SLC44A4: variants seen among roughly 807,000 people sequenced by gnomAD.
The protein encoded by SLC44A4 is choline transporter-like protein 4.
In SLC44A4, 74 loss-of-function variants were observed where a neutral mutation model predicts 97.0. The ratio of observed to expected loss-of-function variants is 0.76; its 90% confidence interval spans 0.63 to 0.93. SLC44A4 has a LOEUF of 0.93. Among genes scored for constraint, SLC44A4 ranks in the 40% least tolerant of loss-of-function variants. The pLI is 0.00. For synonymous variants in SLC44A4, 325 were observed against 363.8 expected (o/e 0.89, Z 1.21); for missense variants, 799 against 902.9 (o/e 0.88, Z 1.48).
At position 31,865,535 on chromosome 6, in the gene SLC44A4, T is replaced by G. The variant is rs763191640; in HGVS notation, c.1649A>C (p.Lys550Thr). The G allele has an allele frequency of 1.9e-6, 3 of 1,599,660 alleles. No individual in the cohort carries two copies. The Admixed American group carries it at 5.1e-5, about 27-fold the overall frequency. ...ATTGCGGTTTAGGAACTTGATAAATTTTTCCAGACACCAGAGGCAGCACTT... is the reference window on the plus strand; with the variant it reads ...ATTGCGGTTTAGGAACTTGATAAATGTTTCCAGACACCAGAGGCAGCACTT... ...CFKCCLWCLE[K>T]FIKFLNRNAY... is the part of the protein sequence containing the mutation. The change falls in exon 16 of 21, where the codon AAA becomes ACA. Residue 550 changes from lysine (K) to threonine (T), a missense_variant. Transcript: ENST00000229729. The surrounding 1 kb of genome is among the most constrained non-coding windows in gnomAD (Gnocchi z 5.2).
rs372077719 is a variant in SLC44A4, at chr6:31,865,328, G to A, written c.1747C>T (p.Arg583Ter). The A allele has an allele frequency of 4.7e-5, 76 of 1,613,834 alleles. No homozygotes were observed. Among genetic ancestry groups the A allele is most frequent in the Non-Finnish European group, 6.0e-5 (71 of 1,179,992 alleles). The change falls in exon 17 of 21, where the codon CGA becomes TGA. Residue 583 changes from arginine to a stop codon, truncating the protein, a stop_gained. Transcript: ENST00000229729. LOFTEE classifies it high-confidence loss of function. The surrounding 1 kb of genome is among the most constrained non-coding windows in gnomAD (Gnocchi z 5.2). ...SAKNAFMLLM[R>*]NIVRVVVLDK... ...GAGCAGCCTAACCTGACAATGTTTC[G>A]CATGAGTAGCATGAACGCATTTTTG... is the stretch of plus-strand genomic sequence containing the variant.
chr6:31,865,197 G>T lies in SLC44A4; in HGVS notation c.1761-117C>A. The T allele has an allele frequency of 6.6e-7, 1 of 1,525,142 alleles. No homozygotes were observed. Among genetic ancestry groups the T allele is most frequent in the Non-Finnish European group, 9.1e-7 (1 of 1,099,484 alleles). The allele number at this position is 1,525,142 out of a possible 1,614,324, so 94.5% of individuals were successfully genotyped here. ...TGAAAATTGTTCACGTTTCAAGATGGCAAGAGCAGAGCACTAAACTAAGTC... is the reference window on the plus strand; with the variant it reads ...TGAAAATTGTTCACGTTTCAAGATGTCAAGAGCAGAGCACTAAACTAAGTC... On this transcript the variant is annotated intron_variant, in intron 17 of 20. Transcript: ENST00000229729. The surrounding 1 kb of genome is among the most constrained non-coding windows in gnomAD (Gnocchi z 5.2).
chr6:31,864,640 G>T lies in SLC44A4; in HGVS notation c.2011+12C>A. 6.2e-7 allele frequency: 1 copy of T among 1,613,324 alleles called. No individual in the cohort carries two copies. The highest frequency in any genetic ancestry group is 8.5e-7 in the Non-Finnish European group (1 of 1,179,288). ...TTAAGGTTGGGGACAGGTGGCTGGGGGTGTCACTCACGGAAGCAGAGGAAG... is the reference window on the plus strand; with the variant it reads ...TTAAGGTTGGGGACAGGTGGCTGGGTGTGTCACTCACGGAAGCAGAGGAAG... On this transcript the variant is annotated intron_variant, in intron 20 of 20. Coordinates refer to ENST00000229729, the MANE Select transcript of SLC44A4 (RefSeq NM_025257.3).
intron 20 of SLC44A4, among the ~76,000 whole-genome samples, chr6:31,863,964 G>T (rs1762697205): frequency 6.6e-6 from 1 of 152,118 alleles, no homozygotes. Flanking sequence ...CATGTCAGTC[G>T]CTTAGGAGGA....
At position 31,874,075 on chromosome 6, in the gene SLC44A4, A is replaced by G. The variant is rs1763313220; in HGVS notation, c.529+385T>C. Among the ~76,000 whole-genome samples the G allele has an allele frequency of 6.6e-6, 1 of 151,962 alleles. No individual in the cohort carries two copies. Among genetic ancestry groups the G allele is most frequent in the Non-Finnish European group, 1.5e-5 (1 of 67,960 alleles). ...GGTTGCAGTGAGCCGAGATCACGCC[A>G]CTGCACTCCAGCCTGGGCAACAGAG... On this transcript the variant is annotated intron_variant, in intron 7 of 20. Transcript: ENST00000229729. The surrounding 1 kb of genome is among the most constrained non-coding windows in gnomAD (Gnocchi z 4.8).
At chr6:31,873,701 G>A (rs1016583209) in intron 7 of SLC44A4, among the ~76,000 whole-genome samples, 2 of 150,842 alleles carry the variant, frequency 1.3e-5, no homozygotes, top group Non-Finnish European at 2.9e-5. Flanking sequence ...GTTCAACTGT[G>A]ATCCTACCAC....
chr6:31,877,032 AC>A lies in SLC44A4; in HGVS notation c.89+1del. 1 of 1,608,528 alleles carries A rather than the reference AC, an allele frequency of 6.2e-7. No homozygotes were observed. The highest frequency in any genetic ancestry group is 8.5e-7 in the Non-Finnish European group (1 of 1,178,508). Reference sequence around the variant, plus strand: ...GCCCCCGGAGCAGTGCCCAGAGCTCACCTGTTCTTGATGGGGCCTCGAAAGG... The same window carrying A: ...GCCCCCGGAGCAGTGCCCAGAGCTCACTGTTCTTGATGGGGCCTCGAAAGG... On this transcript the variant is annotated splice_donor_variant, in intron 2 of 20. Coordinates refer to ENST00000229729, the MANE Select transcript of SLC44A4 (RefSeq NM_025257.3). LOFTEE classifies it high-confidence loss of function. The surrounding 1 kb of genome is among the most constrained non-coding windows in gnomAD (Gnocchi z 6.5).
intron 7 of SLC44A4, among the ~76,000 whole-genome samples, chr6:31,872,702 T>C (rs1763238446): frequency 6.6e-6 from 1 of 152,116 alleles, no homozygotes; most frequent in Non-Finnish European, 1.5e-5. Context: ...CTCACTGTCA[T>C]TTACATTCTA....
rs201906809 is a variant in SLC44A4 at position 31,865,299 on chromosome 6, G to C, written c.1760+16C>G. ...TCAGAGGAGGGAGCCACAAAGCGGGGGGGGAGCAGCCTAACCTGACAATGT... is the reference window on the plus strand; with the variant it reads ...TCAGAGGAGGGAGCCACAAAGCGGGCGGGGAGCAGCCTAACCTGACAATGT... On this transcript the variant is annotated intron_variant, in intron 17 of 20. Coordinates refer to ENST00000229729, the MANE Select transcript of SLC44A4 (RefSeq NM_025257.3). The surrounding 1 kb of genome is among the most constrained non-coding windows in gnomAD (Gnocchi z 5.2). 1,085 of 1,613,994 alleles carry C rather than the reference G, an allele frequency of 6.7e-4. 4 individuals carry two copies. The highest frequency in any genetic ancestry group is 2.2e-3 in the Admixed American group (132 of 60,020).
Position 31,865,154 on chromosome 6 carries a change from G to T in SLC44A4, c.1761-74C>A. The T allele has an allele frequency of 1.9e-6, 3 of 1,562,338 alleles. No homozygotes were observed. The highest frequency in any genetic ancestry group is 2.6e-6 in the Non-Finnish European group (3 of 1,133,562). On this transcript the variant is annotated intron_variant, in intron 17 of 20. Coordinates refer to ENST00000229729, the MANE Select transcript of SLC44A4 (RefSeq NM_025257.3). This position sits in a 1 kb window ranked among gnomAD's most constrained non-coding sequence, Gnocchi z 5.2. ...GAGAGTGAAATTGGCTTCGTAATTTGTGGGGACTGGTGCAAAATGAAAATT... is the reference window on the plus strand; with the variant it reads ...GAGAGTGAAATTGGCTTCGTAATTTTTGGGGACTGGTGCAAAATGAAAATT...
At chr6:31,871,134 C>T in intron 9 of SLC44A4, 87 bp from the exon 10 acceptor site, 1 of 1,335,594 alleles carries the variant, frequency 7.5e-7, no homozygotes, top group Non-Finnish European at 1.0e-6. Context: ...TTCCACACAC[C>T]ACCCAATGTC....
rs775169442 is a variant in SLC44A4, at chr6:31,875,907, G to T, written c.187C>A (p.Gln63Lys). 7 of 1,613,724 alleles carry T rather than the reference G, an allele frequency of 4.3e-6. No homozygotes were observed. The South Asian group carries it at 6.6e-5, about 15-fold the overall frequency. ...GTAGAGTTCCTGGGGTAGAGGACTT[G>T]CCGGGGGTCTCCATACAACCAGGCT... ...IVAWLYGDPR[Q>K]VLYPRNSTGA... Residue 63 changes from glutamine (Q) to lysine (K), a missense_variant, in exon 4 of 21, where the codon CAA (glutamine) becomes AAA (lysine). Physicochemically the swap from Gln to Lys is moderately conservative, Grantham distance 53. Coordinates refer to ENST00000229729, the MANE Select transcript of SLC44A4 (RefSeq NM_025257.3).
At chr6:31,867,858 C>T (rs1762948834) in intron 13 of SLC44A4, among the ~76,000 whole-genome samples, 1 of 149,646 alleles carries the variant, frequency 6.7e-6, no homozygotes, top group Admixed American at 6.7e-5. Flanking sequence ...AGTCTCGCCG[C>T]CCAGGCTGCA....
In SLC44A4 at chr6:31,876,330, G is replaced by A. The variant is rs1001968022; in HGVS notation, c.90-201C>T. Among the ~76,000 whole-genome samples, 5 of 152,142 alleles carry A rather than the reference G, an allele frequency of 3.3e-5. No homozygotes were observed. The highest frequency in any genetic ancestry group is 1.3e-4 in the Admixed American group (2 of 15,276). Reference sequence around the variant, plus strand: ...GTCACACAGACTGGAGTGCAGTGGTGCAATCTTGGCTCACTGCAGCCTCTG... The same window carrying A: ...GTCACACAGACTGGAGTGCAGTGGTACAATCTTGGCTCACTGCAGCCTCTG... On this transcript the variant is annotated intron_variant, in intron 2 of 20. Coordinates refer to ENST00000229729, the MANE Select transcript of SLC44A4 (RefSeq NM_025257.3). This position sits in a 1 kb window ranked among gnomAD's most constrained non-coding sequence, Gnocchi z 4.8.
At position 31,871,330 on chromosome 6, in the gene SLC44A4, A is replaced by C; in HGVS notation, c.685T>G (p.Trp229Gly). The change falls in exon 9 of 21, where the codon TGG becomes GGG. Residue 229 changes from tryptophan (W) to glycine (G), a missense_variant. By Grantham distance (184) the Trp-to-Gly change is radical. Coordinates refer to ENST00000229729, the MANE Select transcript of SLC44A4 (RefSeq NM_025257.3). ...GTGACTCACACAAGAATCCAATACC[A>C]GGACTGGGCAAAATCTTCAAAGATC... Reference protein sequence around the residue: ...VKIFEDFAQSWYWILVALGVA... With the variant: ...VKIFEDFAQSGYWILVALGVA... The C allele has an allele frequency of 6.2e-7, 1 of 1,614,174 alleles. No homozygotes were observed. Among genetic ancestry groups the C allele is most frequent in the South Asian group, 1.1e-5 (1 of 91,084 alleles).
Position 31,878,933 on chromosome 6 carries a change from A to AGTCTCACC in SLC44A4, c.40_40+7dup, listed in dbSNP as rs774865421. On this transcript the variant is annotated splice_region_variant and intron_variant, in intron 1 of 20. Transcript: ENST00000229729. This position sits in a 1 kb window ranked among gnomAD's most constrained non-coding sequence, Gnocchi z 4.0. ...TCCACAGGGTCCCGGGCCTCGCCCC[A>AGTCTCACC]GTCTCACCGTAGGCCTCGTCATCCT... 1 of 1,613,736 alleles carries AGTCTCACC rather than the reference A, an allele frequency of 6.2e-7. No homozygotes were observed. The highest frequency in any genetic ancestry group is 8.5e-7 in the Non-Finnish European group (1 of 1,179,884).
chr6:31,869,214 A>G lies in SLC44A4; in HGVS notation c.1174T>C (p.Ser392Pro). Reference sequence around the variant, plus strand: ...TCACAGCCGGGGGAGCTGATGTTGGATGCCCAGAGCACATACTGGGGTTGC... The same window carrying G: ...TCACAGCCGGGGGAGCTGATGTTGGGTGCCCAGAGCACATACTGGGGTTGC... ...SGQPQYVLWASNISSPGCEKV... is the reference protein window; with the variant it reads ...SGQPQYVLWAPNISSPGCEKV... The change falls in exon 13 of 21, where the codon TCC becomes CCC. Residue 392 changes from serine to proline, a missense_variant. Around this residue, in one of 3 missense-constraint regions of SLC44A4, gnomAD observed 379 missense variants for 438.3 expected, o/e 0.86. Transcript: ENST00000229729. 6.2e-7 allele frequency: 1 copy of G among 1,610,946 alleles called. No homozygotes were observed. Among genetic ancestry groups the G allele is most frequent in the Non-Finnish European group, 8.5e-7 (1 of 1,179,134 alleles).
intron 20 of SLC44A4, among the ~76,000 whole-genome samples, chr6:31,864,192 A>G (rs1762709609): frequency 6.6e-6 from 1 of 151,928 alleles, no homozygotes; most frequent in Non-Finnish European, 1.5e-5. Flanking sequence ...CTCCTGCTTC[A>G]GCCTCCCAAG....
chr6:31,869,184 C>G lies in SLC44A4; in HGVS notation c.1204G>C (p.Val402Leu). ...SNISSPGCEKVPINTSCNPTA... is the reference protein window; with the variant it reads ...SNISSPGCEKLPINTSCNPTA... ...GGGTTGCATGATGTATTTATTGGCACTTTCTCACAGCCGGGGGAGCTGATG... is the reference window on the plus strand; with the variant it reads ...GGGTTGCATGATGTATTTATTGGCAGTTTCTCACAGCCGGGGGAGCTGATG... Residue 402 changes from valine (V) to leucine (L), a missense_variant, in exon 13 of 21, where the codon GTG becomes CTG. By Grantham distance (32) the Val-to-Leu change is conservative (BLOSUM62 1). Transcript: ENST00000229729. 4 of 1,610,662 alleles carry G rather than the reference C, an allele frequency of 2.5e-6. No individual in the cohort carries two copies. The highest frequency in any genetic ancestry group is 3.4e-6 in the Non-Finnish European group (4 of 1,178,934).
Sources: allele counts gnomAD v4.1 joint callset (sites outside exome capture counted in the v4.1 genomes callset), GRCh38; gene constraint gnomAD v4.1.1; regional missense constraint gnomAD v4.1.1; non-coding constraint Gnocchi (gnomAD v3.1); transcripts MANE v1.5; gene names NCBI Gene and HGNC (gene_info 2026-07-23, HGNC 2026-07-21).